Variants in TASOR2 observed in about 807,000 individuals in gnomAD.
The protein encoded by TASOR2 is protein TASOR 2.
TASOR2 carries 84 observed loss-of-function variants against 199.5 expected under a neutral mutation model. The observed-to-expected ratio is 0.42, with a 90% CI of 0.35 to 0.50. The LOEUF (loss-of-function observed/expected upper bound fraction) is 0.50, where lower values mean the gene tolerates loss of function less well. Among genes scored for constraint, TASOR2 ranks in the 20% least tolerant of loss-of-function variants. TASOR2 has a pLI of 0.02. For missense variants in TASOR2, 2,796 were observed against 2,835.9 expected (o/e 0.99, Z 0.32); for synonymous variants, 1,103 against 1,046.6 (o/e 1.05, Z -1.04).
exon 15 of TASOR2, chr10:5,746,579 C>T (rs1014231366): frequency 3.1e-6 from 5 of 1,613,998 alleles, no homozygotes; most frequent in African/African-American, 1.3e-5. Flanking sequence ...GAACCAATTA[C>T]TCTCACCTTT....
intron 1 of TASOR2, 166 bp from the exon 2 acceptor site, chr10:5,712,657 C>T: frequency 1.1e-6 from 1 of 886,926 alleles, no homozygotes; most frequent in East Asian, 3.3e-5. Context: ...CGCAGCAGAT[C>T]CTTGGAAATA....
chr10:5,760,646 C>T (rs1285389917), intron 18 of TASOR2, among the ~76,000 whole-genome samples: 1 of 152,044 alleles, frequency 6.6e-6, no homozygotes, highest in Non-Finnish European at 1.5e-5. Flanking sequence ...TATCATGTAA[C>T]TATGTTCAGT....
At position 5,730,006 on chromosome 10, in the gene TASOR2, G is replaced by A. The variant is rs1834588923; in HGVS notation, c.488-481G>A. 1.3e-5 allele frequency among the ~76,000 whole-genome samples: 2 copies of A among 152,154 alleles called. No homozygotes were observed. The highest frequency in any genetic ancestry group is 2.9e-5 in the Non-Finnish European group (2 of 68,040). On this transcript the variant is annotated intron_variant, in intron 10 of 20. Transcript: ENST00000328090. The surrounding 1 kb of genome is among the most constrained non-coding windows in gnomAD (Gnocchi z 4.1). The stretch of plus-strand genomic sequence containing the variant: ...CAGTGAGATTCCAGCATTATTTAGG[G>A]CTTCTACTTTTTTCAGTTCAGTTGA...
intron 1 of TASOR2, chr10:5,712,356 T>C: frequency 8.1e-7 from 1 of 1,228,430 alleles, no homozygotes; most frequent in Non-Finnish European, 1.0e-6. Context: ...TCCTTTGGAA[T>C]CTTAAATAGC....
At position 5,740,113 on chromosome 10, in the gene TASOR2, C is replaced by A. The variant is rs371512643; in HGVS notation, c.1943C>A (p.Ser648Tyr). 7.4e-6 allele frequency: 12 copies of A among 1,614,006 alleles called. No homozygotes were observed. The highest frequency in any genetic ancestry group is 3.3e-4 in the Middle Eastern group (2 of 6,084). ...GAATCTTCAGATGCAAGCCAAAGCT[C>A]TTCTGTTTCTGTGGAACATTCATAT... is the stretch of plus-strand genomic sequence containing the variant. Residue 648 changes from serine to tyrosine, a missense_variant, in exon 13 of 21, where the codon TCT becomes TAT. Around this residue, in one of 3 missense-constraint regions of TASOR2, gnomAD observed 847 missense variants for 887.4 expected, o/e 0.95. Coordinates refer to ENST00000328090, the Ensembl canonical transcript of TASOR2. This position sits in a 1 kb window ranked among gnomAD's most constrained non-coding sequence, Gnocchi z 5.3.
rs774050030 is a variant in TASOR2 at position 5,761,464 on chromosome 10, C to A, written c.7167C>A (p.Leu2389=). The A allele has an allele frequency of 9.9e-6, 16 of 1,611,054 alleles. 1 individual carries two copies. In the South Asian group the frequency reaches 1.8e-4, roughly 18 times the overall value. The change falls in exon 19 of 21, where the codon CTC becomes CTA. Residue 2389 remains leucine, a synonymous_variant. Transcript: ENST00000328090. ...ATATTGATGCCAGGTTTGCTGTCCT[C>A]CTAACAGGTAATTCACAGGCGCATT...
intron 16 of TASOR2, 32 bp from the exon 18 acceptor site, chr10:5,757,488 C>T: frequency 6.4e-7 from 1 of 1,570,350 alleles, no homozygotes; most frequent in South Asian, 1.2e-5. Flanking sequence ...CAGTGAGCCT[C>T]TCTTCACCGG....
At chr10:5,757,011 C>T (rs1391386010) in intron 16 of TASOR2, among the ~76,000 whole-genome samples, 1 of 152,190 alleles carries the variant, frequency 6.6e-6, no homozygotes, top group Non-Finnish European at 1.5e-5. Context: ...CACTTGATGT[C>T]TAACAATAAG....
intron 1 of TASOR2, among the ~76,000 whole-genome samples, chr10:5,686,466 A>C (rs1037623629): frequency 6.6e-6 from 1 of 152,226 alleles, no homozygotes; most frequent in Non-Finnish European, 1.5e-5. Flanking sequence ...GTTATTTTCA[A>C]GATATCCCTA....
chr10:5,748,055 T>A lies in TASOR2; in HGVS notation c.4634T>A (p.Leu1545Gln), dbSNP rs1837469278. The A allele has an allele frequency of 6.2e-7, 1 of 1,614,040 alleles. No individual in the cohort carries two copies. The change falls in exon 15 of 21, where the codon CTG becomes CAG. Residue 1545 changes from leucine to glutamine, a missense_variant. This residue lies in a region of TASOR2 where 1,941 missense variants were observed against 1,924.9 expected (regional missense o/e 1.01). Transcript: ENST00000328090. The surrounding 1 kb of genome is among the most constrained non-coding windows in gnomAD (Gnocchi z 5.1). ...GACTTCAGTCCTTCTCCTGAAAAACTGGTAAAATCAGGAAATCCATTGCAG... is the reference window on the plus strand; with the variant it reads ...GACTTCAGTCCTTCTCCTGAAAAACAGGTAAAATCAGGAAATCCATTGCAG...
At chr10:5,712,910 G>GA (rs1244360574) in exon 2 of TASOR2, 14 of 1,226,832 alleles carry the variant, frequency 1.1e-5, no homozygotes, top group Non-Finnish European at 1.1e-5. Context: ...GTTTGATACT[G>GA]AAAAGCAGGT....
intron 1 of TASOR2, chr10:5,709,619 A>C: frequency 8.1e-7 from 1 of 1,231,212 alleles, no homozygotes; most frequent in Non-Finnish European, 1.0e-6. Flanking sequence ...TCCCAGCTAC[A>C]TTCTCTCTTA....
At chr10:5,756,240 C>A (rs955698604) in intron 15 of TASOR2, among the ~76,000 whole-genome samples, 2 of 152,168 alleles carry the variant, frequency 1.3e-5, no homozygotes, top group Non-Finnish European at 2.9e-5. Flanking sequence ...TAAAGAAATA[C>A]ATGGGTATTG....
intron 1 of TASOR2, among the ~76,000 whole-genome samples, chr10:5,695,657 T>C (rs1003327241): frequency 5.3e-5 from 8 of 152,182 alleles, no homozygotes; most frequent in Admixed American, 5.2e-4. Flanking sequence ...TCTCTTAAGA[T>C]TATAGTAAAA....
chr10:5,734,856 C>G (rs1273359136), intron 11 of TASOR2, among the ~76,000 whole-genome samples: 2 of 150,178 alleles, frequency 1.3e-5, no homozygotes, highest in Non-Finnish European at 2.9e-5. Flanking sequence ...GCCACCACTC[C>G]TTGCTAATTT....
intron 7 of TASOR2, among the ~76,000 whole-genome samples, chr10:5,723,993 G>C (rs1346995787): frequency 6.6e-6 from 1 of 152,194 alleles, no homozygotes; most frequent in Non-Finnish European, 1.5e-5. Flanking sequence ...ACAAAGGCTA[G>C]CTTTAATATA....
Position 5,761,270 on chromosome 10 carries a change from T to C in TASOR2, c.6993-20T>C. 1.3e-6 allele frequency: 2 copies of C among 1,577,036 alleles called. No homozygotes were observed. The highest frequency in any genetic ancestry group is 8.6e-7 in the Non-Finnish European group (1 of 1,161,026). ...AATAAAACTGAAAAATATTTTAATA[T>C]GCCTATGTATCTTTCACAGAGTGGA... On this transcript the variant is annotated intron_variant, in intron 18 of 20. Coordinates refer to ENST00000328090, the Ensembl canonical transcript of TASOR2.
rs111449329 is a variant in TASOR2, at chr10:5,754,227, T to C, written c.6607-2386T>C. ...GCAGGAGAATCACTTGAACCCAGGA[T>C]GTGGAGGTTGTAGTAAGCCACTGTG... On this transcript the variant is annotated intron_variant, in intron 15 of 20. Coordinates refer to ENST00000328090, the Ensembl canonical transcript of TASOR2. This position sits in a 1 kb window ranked among gnomAD's most constrained non-coding sequence, Gnocchi z 4.3. Among the ~76,000 whole-genome samples, 2 of 152,092 alleles carry C rather than the reference T, an allele frequency of 1.3e-5. No individual in the cohort carries two copies. The highest frequency in any genetic ancestry group is 4.8e-5 in the African/African-American group (2 of 41,488).
chr10:5,693,538 G>A (rs1836755377), intron 1 of TASOR2, among the ~76,000 whole-genome samples: 1 of 152,086 alleles, frequency 6.6e-6, no homozygotes, highest in African/African-American at 2.4e-5. Context: ...TGACTTACGG[G>A]AAATGCTATT....
Sources: allele counts gnomAD v4.1 joint callset (sites outside exome capture counted in the v4.1 genomes callset), GRCh38; gene constraint gnomAD v4.1.1; regional missense constraint gnomAD v4.1.1; non-coding constraint Gnocchi (gnomAD v3.1); transcripts MANE v1.5; gene names NCBI Gene and HGNC (gene_info 2026-07-23, HGNC 2026-07-21).